SMAP1: variants seen among roughly 807,000 people sequenced by gnomAD.
The protein encoded by SMAP1 is small ArfGAP 1.
A neutral mutation model predicts 58.5 loss-of-function variants in SMAP1; 24 were observed. The ratio of observed to expected loss-of-function variants is 0.41; its 90% CI spans 0.30 to 0.58. SMAP1 has a LOEUF of 0.58. SMAP1 is among the 20% of genes least tolerant of loss of function. The pLI is 0.29. For synonymous variants in SMAP1, 216 were observed against 196.6 expected (o/e 1.10, Z -0.82); for missense variants, 563 against 566.3 (o/e 0.99, Z 0.06).
intron 2 of SMAP1, among the ~76,000 whole-genome samples, chr6:70,746,703 G>T (rs576356096): frequency 1.4e-4 from 21 of 152,280 alleles, no homozygotes; most frequent in Non-Finnish European, 2.8e-4. Flanking sequence ...AGTTAGGGGC[G>T]ATTCCTTCTT....
At position 70,773,392 on chromosome 6, in the gene SMAP1, A is replaced by G; in HGVS notation, c.381A>G (p.Lys127=). Residue 127 remains lysine (K), a synonymous_variant, in exon 4 of 11, where the codon AAA becomes AAG. Transcript: ENST00000370455. The part of the protein sequence containing the change: ...FFIRDKYEKK[K]YYDKNAIAIT... ...TCAGAGATAAATATGAAAAGAAGAA[A>G]TACTACGATAAAAATGCCATAGCTA... 1 of 1,572,534 alleles carries G rather than the reference A, an allele frequency of 6.4e-7. No individual in the cohort carries two copies. Among genetic ancestry groups the G allele is most frequent in the Non-Finnish European group, 8.7e-7 (1 of 1,149,846 alleles).
intron 2 of SMAP1, among the ~76,000 whole-genome samples, chr6:70,745,715 T>A (rs1426778896): frequency 1.3e-5 from 2 of 152,202 alleles, no homozygotes; most frequent in African/African-American, 4.8e-5. Context: ...GTGAAGAAAG[T>A]CATTGGTAGC....
intron 1 of SMAP1, among the ~76,000 whole-genome samples, chr6:70,674,862 C>CTT (rs1766411215): frequency 1.3e-5 from 2 of 152,182 alleles, no homozygotes. Context: ...GTAGTCCCAG[C>CTT]TACTCGGGAG....
At chr6:70,817,900 A>C (rs1447150882) in intron 6 of SMAP1, among the ~76,000 whole-genome samples, 1 of 152,166 alleles carries the variant, frequency 6.6e-6, no homozygotes, top group East Asian at 1.9e-4. Flanking sequence ...TCAAAAGCAG[A>C]TTTTGGATTT....
At chr6:70,801,212 T>C (rs1768835996) in intron 6 of SMAP1, among the ~76,000 whole-genome samples, 4 of 152,224 alleles carry the variant, frequency 2.6e-5, no homozygotes, top group African/African-American at 9.6e-5. Flanking sequence ...ATCGCGATTC[T>C]ACCTGGCGTG....
intron 7 of SMAP1, among the ~76,000 whole-genome samples, chr6:70,847,243 ATTT>A (rs1274054522): frequency 4.6e-5 from 7 of 152,170 alleles, no homozygotes. Flanking sequence ...ACTTTGTCAT[ATTT>A]GAAATGTTAC....
intron 6 of SMAP1, among the ~76,000 whole-genome samples, chr6:70,835,251 CAAAAAAAAAAA>C (rs778677881): frequency 3.5e-5 from 2 of 57,950 alleles, no homozygotes; most frequent in Non-Finnish European, 6.9e-5. Context: ...GACTCCGTCT[CAAAAAAAAAAA>C]AAAAAAAAAA....
intron 3 of SMAP1, among the ~76,000 whole-genome samples, chr6:70,765,241 C>G (rs960953684): frequency 7.9e-5 from 12 of 152,138 alleles, no homozygotes; most frequent in African/African-American, 2.2e-4. Flanking sequence ...CCATATAGAG[C>G]CTCACTTAAT....
chr6:70,721,877 G>A lies in SMAP1; in HGVS notation c.119-10501G>A, dbSNP rs562523957. 7.9e-4 allele frequency among the ~76,000 whole-genome samples: 120 copies of A among 152,208 alleles called. 1 individual carries two copies. Among genetic ancestry groups the A allele is most frequent in the Admixed American group, 1.6e-3 (25 of 15,298 alleles). On this transcript the variant is annotated intron_variant, in intron 1 of 10. Transcript: ENST00000370455. ...TAACGAAAATAGCATGGGAAAGACC[G>A]GCCCCCATGATTCAATTACCTTGCC...
At chr6:70,793,119 C>T (rs1768439858) in intron 5 of SMAP1, among the ~76,000 whole-genome samples, 1 of 152,128 alleles carries the variant, frequency 6.6e-6, no homozygotes, top group East Asian at 1.9e-4. Context: ...ACTGCAGCCT[C>T]CATCACCTGG....
At chr6:70,728,731 T>C (rs1765289948) in intron 1 of SMAP1, among the ~76,000 whole-genome samples, 1 of 152,190 alleles carries the variant, frequency 6.6e-6, no homozygotes, top group Non-Finnish European at 1.5e-5. Context: ...TCCTATAATC[T>C]AATATAGAGG....
At chr6:70,681,126 T>A (rs948867260) in intron 1 of SMAP1, among the ~76,000 whole-genome samples, 1 of 142,286 alleles carries the variant, frequency 7.0e-6, no homozygotes, top group African/African-American at 2.6e-5. Context: ...AAAAAAAAAA[T>A]ACAATGCATA....
At chr6:70,722,883 G>A (rs1028986117) in intron 1 of SMAP1, among the ~76,000 whole-genome samples, 8 of 152,180 alleles carry the variant, frequency 5.3e-5, no homozygotes, top group South Asian at 2.1e-4. Context: ...CAGCGTGGGC[G>A]TCATGGCCAT....
rs752870821 is a variant in SMAP1 at position 70,860,173 on chromosome 6, G to A, written c.1270-27G>A. The A allele has an allele frequency of 2.5e-6, 4 of 1,584,352 alleles. No homozygotes were observed. In the South Asian group the frequency reaches 4.7e-5, roughly 18 times the overall value. Reference sequence around the variant, plus strand: ...GAATTAAAAGTGAAGTAAGCCTCTTGAACTAAGCCTTTTATATGTTTCACA... The same window carrying A: ...GAATTAAAAGTGAAGTAAGCCTCTTAAACTAAGCCTTTTATATGTTTCACA... On this transcript the variant is annotated intron_variant, in intron 10 of 10. Transcript: ENST00000370455.
At chr6:70,743,543 T>C (rs1323246986) in intron 2 of SMAP1, among the ~76,000 whole-genome samples, 2 of 152,198 alleles carry the variant, frequency 1.3e-5, no homozygotes, top group Non-Finnish European at 2.9e-5. Context: ...CATAGTGTCT[T>C]GTAGAACCAG....
At chr6:70,739,540 G>A (rs1582091726) in intron 2 of SMAP1, among the ~76,000 whole-genome samples, 1 of 152,168 alleles carries the variant, frequency 6.6e-6, no homozygotes, top group South Asian at 2.1e-4. Context: ...TAAATATAAA[G>A]TGAGTTTCTT....
chr6:70,819,325 G>T (rs1769783517), intron 6 of SMAP1, among the ~76,000 whole-genome samples: 1 of 116,780 alleles, frequency 8.6e-6, no homozygotes, highest in Admixed American at 8.4e-5. Flanking sequence ...ATGATGTAAG[G>T]GTGAAAAAAA....
At chr6:70,714,940 G>A (rs991574080) in intron 1 of SMAP1, among the ~76,000 whole-genome samples, 1 of 151,940 alleles carries the variant, frequency 6.6e-6, no homozygotes, top group Non-Finnish European at 1.5e-5. Flanking sequence ...ATTCCCTTCA[G>A]CCTGCAAGGT....
At chr6:70,820,866 T>A (rs1262181863) in intron 6 of SMAP1, among the ~76,000 whole-genome samples, 1 of 152,168 alleles carries the variant, frequency 6.6e-6, no homozygotes, top group African/African-American at 2.4e-5. Context: ...TATTTAGAAG[T>A]TTGCTTTTCG....
Sources: gnomAD v4.1 joint callset for allele counts (sites outside exome capture counted in the v4.1 genomes callset) on GRCh38, gnomAD v4.1.1 for gene constraint, MANE v1.5 for transcripts, NCBI Gene and HGNC (gene_info 2026-07-23, HGNC 2026-07-21) for gene names.